Variants in KIF2A observed in about 807,000 individuals in gnomAD.
KIF2A encodes kinesin family member 2A.
A neutral mutation model predicts 100.2 loss-of-function variants in KIF2A; 22 were observed. The observed-to-expected ratio is 0.22, with a 90% CI of 0.16 to 0.31. KIF2A has a LOEUF of 0.31. Among genes scored for constraint, KIF2A ranks in the 10% least tolerant of loss-of-function variants. The probability of loss-of-function intolerance (pLI) is 1.00; values close to 1 mark genes in which losing one functional copy is unlikely to be tolerated. For synonymous variants in KIF2A, 268 were observed against 285.9 expected (o/e 0.94, Z 0.63); for missense variants, 495 against 898.7 (o/e 0.55, Z 5.74).
chr5:62,361,819 C>G (rs867279950), intron 11 of KIF2A, among the ~76,000 whole-genome samples: 1 of 150,500 alleles, frequency 6.6e-6, no homozygotes, highest in Non-Finnish European at 1.5e-5. Context: ...GTCAGGAGTT[C>G]GAGACCAGCC....
intron 1 of KIF2A, 105 bp downstream of exon 1, chr5:62,306,641 G>T (rs1235766148): frequency 2.1e-6 from 2 of 956,980 alleles, no homozygotes; most frequent in East Asian, 3.0e-5. Context: ...GCCGGGCTGT[G>T]GGGGTGGGAA....
rs1205202825 is a variant in KIF2A at position 62,372,609 on chromosome 5, T to G, written c.1760+58T>G. 5.2e-6 allele frequency: 5 copies of G among 967,588 alleles called. No homozygotes were observed. In the East Asian group the frequency reaches 1.0e-4, roughly 20 times the overall value. 59.9% of individuals were successfully genotyped at this position (967,588 alleles called of 1,614,324 possible). ...TGTATACTTTCTTTTGAATTGTGCT[T>G]TGTATAAACATTTCATTTGCTATTT... On this transcript the variant is annotated intron_variant, in intron 17 of 20. Transcript: ENST00000407818.
intron 1 of KIF2A, among the ~76,000 whole-genome samples, chr5:62,336,735 G>GA (rs1489338640): frequency 1.3e-5 from 2 of 152,226 alleles, no homozygotes; most frequent in African/African-American, 2.4e-5. Context: ...AATTTAAGGG[G>GA]AAAAAACAGT....
chr5:62,313,382 C>T (rs1021721393), intron 1 of KIF2A, among the ~76,000 whole-genome samples: 2 of 152,144 alleles, frequency 1.3e-5, no homozygotes, highest in Admixed American at 1.3e-4. Context: ...GAGGGAGTCT[C>T]GCTCTTGTTG....
intron 1 of KIF2A, among the ~76,000 whole-genome samples, chr5:62,324,373 A>G (rs940957854): frequency 3.9e-5 from 6 of 152,362 alleles, no homozygotes; most frequent in Admixed American, 2.0e-4. Flanking sequence ...TAAAATTCAT[A>G]TGAACCAAAA....
intron 3 of KIF2A, among the ~76,000 whole-genome samples, chr5:62,348,953 G>A (rs1442760381): frequency 1.3e-5 from 2 of 152,072 alleles, no homozygotes; most frequent in African/African-American, 4.8e-5. Flanking sequence ...CTTTCAGGGA[G>A]GACATAGATA....
rs1580117851 is a variant in KIF2A, at chr5:62,389,980, A to G, written c.*4411A>G. Among the ~76,000 whole-genome samples, 1 of 152,264 alleles carries G rather than the reference A, an allele frequency of 6.6e-6. No homozygotes were observed. Among genetic ancestry groups the G allele is most frequent in the Non-Finnish European group, 1.5e-5 (1 of 68,044 alleles). ...AGTAGATATTTATGAATAGTATTCA[A>G]TGCCTAGGATTAACATCTAAAATGA... On this transcript the variant is annotated 3_prime_UTR_variant, in exon 21 of 21. Transcript: ENST00000407818.
intron 1 of KIF2A, chr5:62,308,289 T>A: frequency 7.4e-7 from 1 of 1,347,012 alleles, no homozygotes; most frequent in Non-Finnish European, 9.7e-7. Flanking sequence ...GAAAGAGTGC[T>A]GTTAATGTCA....
At chr5:62,380,955 A>G (rs570879964) in intron 19 of KIF2A, among the ~76,000 whole-genome samples, 163 bp from the exon 20 acceptor site, 67 of 152,308 alleles carry the variant, frequency 4.4e-4, no homozygotes, top group Non-Finnish European at 7.4e-4. Flanking sequence ...TCCAGAGTCA[A>G]CTGTATTTCT....
chr5:62,358,716 G>C (rs1347961084), intron 9 of KIF2A, among the ~76,000 whole-genome samples: 2 of 152,212 alleles, frequency 1.3e-5, no homozygotes, highest in African/African-American at 2.4e-5. Context: ...TGTTGCCCAG[G>C]CTGGAGTGCA....
In KIF2A at chr5:62,390,898, T is replaced by C. The variant is rs1019898184; in HGVS notation, c.*5329T>C. The C allele has an allele frequency of 1.9e-6, 3 of 1,612,038 alleles. No individual in the cohort carries two copies. Among genetic ancestry groups the C allele is most frequent in the African/African-American group, 1.3e-5 (1 of 74,980 alleles). On this transcript the variant is annotated 3_prime_UTR_variant, in exon 21 of 21. Transcript: ENST00000407818. ...TACCTGATGAAGTCATCTATGTCCA[T>C]GGAACGGGCCCGTTTGTCACTAAAA...
intron 1 of KIF2A, among the ~76,000 whole-genome samples, chr5:62,334,560 C>T (rs551178327): frequency 3.4e-5 from 5 of 149,152 alleles, no homozygotes; most frequent in Admixed American, 1.3e-4. Flanking sequence ...CTCCTCCTCT[C>T]GTCCTCCACT....
At chr5:62,326,170 T>C (rs1263037145) in intron 1 of KIF2A, among the ~76,000 whole-genome samples, 3 of 152,240 alleles carry the variant, frequency 2.0e-5, no homozygotes, top group Admixed American at 2.0e-4. Context: ...TCTCTTGGTT[T>C]CTGATCTACT....
At chr5:62,325,462 G>GA (rs34505547) in intron 1 of KIF2A, among the ~76,000 whole-genome samples, 128,472 of 149,660 alleles carry the variant, frequency 0.86, 55,293 homozygotes, top group Middle Eastern at 0.91. Context: ...TGCTCTGAAA[G>GA]AAAAAAAAAA....
At chr5:62,312,692 T>C (rs1025302166) in intron 1 of KIF2A, among the ~76,000 whole-genome samples, 1 of 152,354 alleles carries the variant, frequency 6.6e-6, no homozygotes, top group South Asian at 2.1e-4. Flanking sequence ...AGTGGTTTTA[T>C]AGTGCTAAGT....
chr5:62,318,770 C>CT (rs1745958868), intron 1 of KIF2A, among the ~76,000 whole-genome samples: 2 of 152,150 alleles, frequency 1.3e-5, no homozygotes, highest in Non-Finnish European at 2.9e-5. Flanking sequence ...TCTGGGTAAA[C>CT]TAAATGCTTC....
chr5:62,307,279 A>G (rs1408738892), intron 1 of KIF2A: 2 of 151,792 alleles, frequency 1.3e-5, no homozygotes, highest in Admixed American at 1.3e-4. Flanking sequence ...GGCACTGCTG[A>G]GAGAGTGGGG....
intron 5 of KIF2A, 153 bp from the exon 6 acceptor site, chr5:62,353,122 A>C (rs1035471516): frequency 2.6e-5 from 13 of 500,570 alleles, no homozygotes; most frequent in Admixed American, 1.2e-4. Context: ...TTGGTAAAGC[A>C]GCTCATTAAG....
intron 1 of KIF2A, among the ~76,000 whole-genome samples, chr5:62,339,493 G>T (rs950837450): frequency 2.7e-5 from 4 of 150,624 alleles, no homozygotes; most frequent in African/African-American, 9.8e-5. Context: ...GCACCGAAGA[G>T]AAAAGTTTTA....
Sources: allele counts gnomAD v4.1 joint callset (sites outside exome capture counted in the v4.1 genomes callset), GRCh38; gene constraint gnomAD v4.1.1; transcripts MANE v1.5; gene names NCBI Gene and HGNC (gene_info 2026-07-23, HGNC 2026-07-21).